Variants in POGLUT1 observed in about 807,000 individuals in gnomAD.
The protein encoded by POGLUT1 is protein O-glucosyltransferase 1, also known as 9630046K23Rik.
In POGLUT1, 32 loss-of-function variants were observed where a neutral mutation model predicts 61.3. That is an observed-to-expected ratio of 0.52 (90% confidence interval 0.39 to 0.70). The LOEUF is 0.70. POGLUT1 is among the 30% of genes least tolerant of loss of function. POGLUT1 has a pLI of 0.00. For synonymous variants in POGLUT1, 158 were observed against 158.2 expected (o/e 1.00, Z 0.01); for missense variants, 411 against 469.8 (o/e 0.87, Z 1.16).
At chr3:119,488,862 C>A in intron 7 of POGLUT1, 67 bp from the exon 8 acceptor site, 1 of 818,000 alleles carries the variant, frequency 1.2e-6, no homozygotes, top group Non-Finnish European at 2.1e-6. Context: ...TTTAACAATG[C>A]TTGCTGCACA....
rs2081471850 is a variant in POGLUT1 at position 119,471,398 on chromosome 3, A to G, written c.266A>G (p.Tyr89Cys). Residue 89 changes from tyrosine to cysteine, a missense_variant, in exon 3 of 11, where the codon TAT (tyrosine) becomes TGT (cysteine). Tyr to Cys is a radical substitution (Grantham distance 194, BLOSUM62 -2). Transcript: ENST00000295588. ...GTCAGACGGAAGCTAGGGACCCACTATCAGATCACTAAGAACAGACTGTAC... is the reference window on the plus strand; with the variant it reads ...GTCAGACGGAAGCTAGGGACCCACTGTCAGATCACTAAGAACAGACTGTAC... Reference protein sequence around the residue: ...EVVRRKLGTHYQITKNRLYRE... With the variant: ...EVVRRKLGTHCQITKNRLYRE... 1 of 1,614,104 alleles carries G rather than the reference A, an allele frequency of 6.2e-7. No individual in the cohort carries two copies. The highest frequency in any genetic ancestry group is 8.5e-7 in the Non-Finnish European group (1 of 1,179,940).
At chr3:119,485,448 C>A in intron 6 of POGLUT1, 61 bp downstream of exon 6, 1 of 1,119,478 alleles carries the variant, frequency 8.9e-7, no homozygotes, top group Non-Finnish European at 1.4e-6. Context: ...ATGTAAGTAA[C>A]TTTGAGGGTA....
At position 119,480,183 on chromosome 3, in the gene POGLUT1, T is replaced by C; in HGVS notation, c.578+11T>C. The C allele has an allele frequency of 6.5e-7, 1 of 1,536,320 alleles. No homozygotes were observed. The highest frequency in any genetic ancestry group is 8.8e-7 in the Non-Finnish European group (1 of 1,142,484). ...AGAAGATCTGGTAAGGTAGGTCCTTTAAAGAGGTTTTATTTTTTCTCTTTC... is the reference window on the plus strand; with the variant it reads ...AGAAGATCTGGTAAGGTAGGTCCTTCAAAGAGGTTTTATTTTTTCTCTTTC... On this transcript the variant is annotated intron_variant, in intron 5 of 10. Coordinates refer to ENST00000295588, the MANE Select transcript of POGLUT1 (RefSeq NM_152305.3).
Position 119,480,169 on chromosome 3 carries a change from T to C in POGLUT1, c.575T>C (p.Val192Ala). Residue 192 changes from valine (V) to alanine (A), a missense_variant, in exon 5 of 11, where the codon GTA (valine) becomes GCA (alanine). Physicochemically the swap from Val to Ala is moderately conservative, Grantham distance 64. Transcript: ENST00000295588. ...GRWDLFREDL[V>A]RSAAQWPWKK... is the part of the protein sequence containing the mutation. ...TGGGACCTCTTCAGAGAAGATCTGG[T>C]AAGGTAGGTCCTTTAAAGAGGTTTT... 6.4e-7 allele frequency: 1 copy of C among 1,572,314 alleles called. No individual in the cohort carries two copies. The highest frequency in any genetic ancestry group is 8.6e-7 in the Non-Finnish European group (1 of 1,162,400).
chr3:119,477,036 G>C (rs2081545490), intron 3 of POGLUT1, among the ~76,000 whole-genome samples: 1 of 152,186 alleles, frequency 6.6e-6, no homozygotes, highest in Non-Finnish European at 1.5e-5. Context: ...AGTGGTAGAA[G>C]TAGCAATAAT....
intron 4 of POGLUT1, among the ~76,000 whole-genome samples, chr3:119,479,594 A>G (rs947650945): frequency 6.6e-6 from 1 of 152,230 alleles, no homozygotes; most frequent in Admixed American, 6.5e-5. Flanking sequence ...GATCCACATC[A>G]GGAGCCCACA....
chr3:119,485,226 A>G (rs978566202), intron 5 of POGLUT1, 102 bp from the exon 6 acceptor site: 2 of 792,068 alleles, frequency 2.5e-6, no homozygotes, highest in Middle Eastern at 3.8e-4. Flanking sequence ...CAAAAAAAAA[A>G]AAGAAATATG....
At chr3:119,486,561 C>G (rs1320348489) in intron 6 of POGLUT1, among the ~76,000 whole-genome samples, 1 of 152,090 alleles carries the variant, frequency 6.6e-6, no homozygotes, top group African/African-American at 2.4e-5. Context: ...TGGGATTTGA[C>G]TATAGTGACC....
In POGLUT1 at chr3:119,492,925, G is replaced by A. The variant is rs2081769447; in HGVS notation, c.*487G>A. 1 of 152,694 alleles carries A rather than the reference G, an allele frequency of 6.5e-6. No individual in the cohort carries two copies. The highest frequency in any genetic ancestry group is 1.5e-5 in the Non-Finnish European group (1 of 68,068). 9.5% of individuals were successfully genotyped at this position (152,694 alleles called of 1,614,324 possible). ...ATGTAGGAAACCCTATGGGGTTTAT[G>A]AAAAATACTTGGGGATCATTCTCTG... is the stretch of plus-strand genomic sequence containing the variant. On this transcript the variant is annotated 3_prime_UTR_variant, in exon 11 of 11. Coordinates refer to ENST00000295588, the MANE Select transcript of POGLUT1 (RefSeq NM_152305.3).
intron 8 of POGLUT1, 173 bp from the exon 9 acceptor site, chr3:119,490,378 T>C: frequency 1.6e-6 from 1 of 614,208 alleles, no homozygotes; most frequent in East Asian, 2.8e-5. Flanking sequence ...CCTGGTAAAG[T>C]GGCTGATAGA....
chr3:119,469,017 C>G lies in POGLUT1; in HGVS notation c.-5C>G, dbSNP rs376976008. On this transcript the variant is annotated 5_prime_UTR_variant, in exon 1 of 11. Coordinates refer to ENST00000295588, the MANE Select transcript of POGLUT1 (RefSeq NM_152305.3). ...AGCGGGGAATCTGCAGTAGGTCTGC[C>G]GGCGATGGAGTGGTGGGCTAGCTCG... is the stretch of plus-strand genomic sequence containing the variant. The G allele has an allele frequency of 6.2e-7, 1 of 1,606,366 alleles. No individual in the cohort carries two copies. The highest frequency in any genetic ancestry group is 8.5e-7 in the Non-Finnish European group (1 of 1,177,644).
intron 9 of POGLUT1, among the ~76,000 whole-genome samples, chr3:119,491,290 TTCTCAAATATG>T (rs1310453376): frequency 6.7e-6 from 1 of 149,400 alleles, no homozygotes; most frequent in Non-Finnish European, 1.5e-5. Flanking sequence ...CTTCTGTATT[TTCTCAAATATG>T]TCCCAAATCT....
At chr3:119,479,954 C>A in intron 4 of POGLUT1, 97 bp from the exon 5 acceptor site, 1 of 1,589,348 alleles carries the variant, frequency 6.3e-7, no homozygotes, top group Non-Finnish European at 8.6e-7. Context: ...CAATGTGACA[C>A]TAAACCAAGG....
At chr3:119,476,462 A>T (rs1246895983) in intron 3 of POGLUT1, among the ~76,000 whole-genome samples, 2 of 150,090 alleles carry the variant, frequency 1.3e-5, no homozygotes, top group African/African-American at 2.5e-5. Context: ...TTTTGGCTAG[A>T]GGAGCTCACT....
intron 3 of POGLUT1, among the ~76,000 whole-genome samples, chr3:119,475,140 C>A (rs1043875134): frequency 5.3e-5 from 8 of 152,192 alleles, no homozygotes; most frequent in African/African-American, 1.9e-4. Context: ...AATTAGAATT[C>A]TGTGTCTTGT....
intron 3 of POGLUT1, among the ~76,000 whole-genome samples, chr3:119,474,108 G>A (rs890232794): frequency 3.3e-5 from 5 of 152,072 alleles, no homozygotes; most frequent in African/African-American, 4.8e-5. Flanking sequence ...AGGAGTAATG[G>A]TATTTTTTAA....
rs746947147 is a variant in POGLUT1 at position 119,477,349 on chromosome 3, C to G, written c.357C>G (p.Ile119Met). The change falls in exon 4 of 11, where the codon ATC (isoleucine) becomes ATG (methionine). Residue 119 changes from isoleucine to methionine, a missense_variant. Physicochemically the swap from Ile to Met is conservative, Grantham distance 10. Transcript: ENST00000295588. The part of the protein sequence containing the change: ...SGVEHFILEV[I>M]GRLPDMEMVI... ...TTGAGCACTTTATTTTGGAAGTGAT[C>G]GGGCGTCTCCCTGACATGGAGATGG... 2 of 1,613,858 alleles carry G rather than the reference C, an allele frequency of 1.2e-6. No homozygotes were observed. Among genetic ancestry groups the G allele is most frequent in the Non-Finnish European group, 1.7e-6 (2 of 1,179,784 alleles).
chr3:119,477,261 CT>C, intron 3 of POGLUT1, 51 bp from the exon 4 acceptor site: 2 of 1,585,050 alleles, frequency 1.3e-6, no homozygotes, highest in Non-Finnish European at 1.7e-6. Flanking sequence ...TCGCCTTGTC[CT>C]AGAGCCTGCA....
chr3:119,475,270 T>A (rs2081522108), intron 3 of POGLUT1, among the ~76,000 whole-genome samples: 1 of 152,232 alleles, frequency 6.6e-6, no homozygotes, highest in Non-Finnish European at 1.5e-5. Flanking sequence ...ATTTTGAGAT[T>A]GTTCCATAAG....
Sources: gnomAD v4.1 joint callset for allele counts (sites outside exome capture counted in the v4.1 genomes callset) on GRCh38, gnomAD v4.1.1 for gene constraint, MANE v1.5 for transcripts, NCBI Gene and HGNC (gene_info 2026-07-23, HGNC 2026-07-21) for gene names.